FOXP1: variants seen among roughly 807,000 people sequenced by gnomAD.
FOXP1 encodes the protein forkhead box protein P1.
In FOXP1, 15 loss-of-function variants were observed where a neutral mutation model predicts 98.2. The observed-to-expected ratio is 0.15, with a 90% CI of 0.10 to 0.24. The LOEUF (loss-of-function observed/expected upper bound fraction) is 0.24. FOXP1 is among the 10% of genes least tolerant of loss of function. FOXP1 has a pLI of 1.00. For synonymous variants in FOXP1, 371 were observed against 314.5 expected, an observed-to-expected ratio of 1.18 and a Z score of -1.90; for missense variants, 633 against 848.5, an observed-to-expected ratio of 0.75 and a Z score of 3.15.
chr3:71,079,765 G>A (rs1399906338), intron 7 of FOXP1, among the ~76,000 whole-genome samples: 3 of 152,200 alleles, frequency 2.0e-5, no homozygotes, highest in Non-Finnish European at 2.9e-5. Flanking sequence ...TCAGCACCCA[G>A]CACAGTGCCT....
intron 7 of FOXP1, among the ~76,000 whole-genome samples, chr3:71,067,731 T>TACACAC (rs6147878): frequency 0.063 from 7,916 of 126,524 alleles, 446 homozygotes; most frequent in African/African-American, 0.13. Flanking sequence ...TCTCCAAAAA[T>TACACAC]ACACACACAC....
chr3:71,179,798 G>T (rs1470864513), intron 6 of FOXP1, among the ~76,000 whole-genome samples: 1 of 152,204 alleles, frequency 6.6e-6, no homozygotes, highest in African/African-American at 2.4e-5. Context: ...GATTGCAAGC[G>T]ATATAGCTTT....
chr3:71,365,267 T>A (rs1171012423), intron 3 of FOXP1, among the ~76,000 whole-genome samples: 3 of 152,190 alleles, frequency 2.0e-5, no homozygotes, highest in Admixed American at 6.5e-5. Flanking sequence ...GTAAGGGTAG[T>A]TGCCTTAATT....
At chr3:71,430,162 G>A (rs545515298) in intron 3 of FOXP1, among the ~76,000 whole-genome samples, 1 of 152,212 alleles carries the variant, frequency 6.6e-6, no homozygotes, top group East Asian at 1.9e-4. Context: ...GCTCCCTCCT[G>A]ACCATACCCC....
intron 5 of FOXP1, among the ~76,000 whole-genome samples, chr3:71,284,105 A>T (rs2071852409): frequency 6.6e-6 from 1 of 152,238 alleles, no homozygotes; most frequent in Admixed American, 6.5e-5. Context: ...AAACAAAAAA[A>T]TGTTGAAACT....
chr3:71,347,780 A>G (rs2704813), intron 4 of FOXP1, among the ~76,000 whole-genome samples: 143,098 of 151,940 alleles, frequency 0.94, 68,012 homozygotes, highest in East Asian at 1. Flanking sequence ...AGCTACTCGG[A>G]GGGCTGAGGC....
intron 6 of FOXP1, among the ~76,000 whole-genome samples, chr3:71,158,802 G>A (rs2108123468): frequency 6.6e-6 from 1 of 150,660 alleles, no homozygotes; most frequent in Admixed American, 6.6e-5. Flanking sequence ...TGGCTTGAAT[G>A]TGGAAATAAA....
intron 6 of FOXP1, among the ~76,000 whole-genome samples, chr3:71,147,233 G>C (rs980597081): frequency 3.3e-5 from 5 of 152,148 alleles, no homozygotes; most frequent in Admixed American, 2.0e-4. Flanking sequence ...GCAGCCAGAG[G>C]AATCTTTTGA....
At position 71,101,078 on chromosome 3, in the gene FOXP1, G is replaced by A. The variant is rs574114219; in HGVS notation, c.282+11458C>T. On this transcript the variant is annotated intron_variant, in intron 7 of 20. Transcript: ENST00000649528. ...GAAGGGACAGCTCTAGAATAAGGTG[G>A]CAGCAGGGGAAACACAGAAAAAGGA... Among the ~76,000 whole-genome samples, 30 of 152,264 alleles carry A rather than the reference G, an allele frequency of 2.0e-4. 1 individual carries two copies. Among genetic ancestry groups the A allele is most frequent in the South Asian group, 6.2e-4 (3 of 4,822 alleles).
At chr3:71,493,694 A>C (rs139916961) in intron 2 of FOXP1, 139 bp from the exon 3 acceptor site, 1 of 152,230 alleles carries the variant, frequency 6.6e-6, no homozygotes, top group East Asian at 1.9e-4. Flanking sequence ...TCAATACATC[A>C]AGTGTGATGC....
At chr3:71,396,337 C>T (rs977973891) in intron 3 of FOXP1, among the ~76,000 whole-genome samples, 2 of 152,154 alleles carry the variant, frequency 1.3e-5, no homozygotes, top group East Asian at 3.8e-4. Flanking sequence ...GTGCTCAGCC[C>T]TAAGACGTGC....
intron 2 of FOXP1, among the ~76,000 whole-genome samples, chr3:71,539,086 GTTTT>G (rs557856311): frequency 1.3e-5 from 2 of 148,892 alleles, no homozygotes; most frequent in African/African-American, 2.5e-5. Flanking sequence ...TTTGTTTTAG[GTTTT>G]TTTATTTTTT....
Position 71,112,640 on chromosome 3 carries a change from G to C in FOXP1, c.181-3C>G. 1 of 1,612,240 alleles carries C rather than the reference G, an allele frequency of 6.2e-7. No homozygotes were observed. Among genetic ancestry groups the C allele is most frequent in the Non-Finnish European group, 8.5e-7 (1 of 1,178,340 alleles). On this transcript the variant is annotated splice_region_variant and splice_polypyrimidine_tract_variant and intron_variant, in intron 6 of 20. Transcript: ENST00000649528. ...AGCTGTCTTGCCACCTGAAGTGCCT[G>C]GAAGGAAAAACAAGAAAATCCTTTG...
At chr3:71,379,080 C>G (rs2079946852) in intron 3 of FOXP1, among the ~76,000 whole-genome samples, 2 of 152,144 alleles carry the variant, frequency 1.3e-5, no homozygotes, top group Non-Finnish European at 1.5e-5. Flanking sequence ...TCCTTCTTCC[C>G]TCTGCCCTCA....
At chr3:71,432,970 A>G (rs1386168753) in intron 3 of FOXP1, among the ~76,000 whole-genome samples, 2 of 151,496 alleles carry the variant, frequency 1.3e-5, no homozygotes, top group Non-Finnish European at 2.9e-5. Flanking sequence ...AATTTGAATG[A>G]TTCTAATGGT....
At chr3:71,431,208 C>T (rs1456314346) in intron 3 of FOXP1, among the ~76,000 whole-genome samples, 2 of 152,060 alleles carry the variant, frequency 1.3e-5, no homozygotes, top group Non-Finnish European at 2.9e-5. Flanking sequence ...TCACAAATCT[C>T]CAATGGGAGC....
intron 4 of FOXP1, among the ~76,000 whole-genome samples, chr3:71,347,077 T>C (rs1488069980): frequency 1.3e-5 from 2 of 152,166 alleles, no homozygotes; most frequent in Non-Finnish European, 2.9e-5. Flanking sequence ...TTACCTCACA[T>C]ATAAATGTCC....
chr3:71,226,405 A>G (rs1389094874), intron 5 of FOXP1, among the ~76,000 whole-genome samples: 1 of 152,252 alleles, frequency 6.6e-6, no homozygotes, highest in East Asian at 1.9e-4. Flanking sequence ...TACTTGCCTC[A>G]GGCCCAGATG....
At chr3:70,977,103 C>G in intron 16 of FOXP1, 61 bp from the exon 17 acceptor site, 1 of 1,102,792 alleles carries the variant, frequency 9.1e-7, no homozygotes, top group Non-Finnish European at 1.4e-6. Flanking sequence ...CGTCATTCCA[C>G]AGTTTCTCGA....
Sources: gnomAD v4.1 joint callset for allele counts (sites outside exome capture counted in the v4.1 genomes callset) on GRCh38, gnomAD v4.1.1 for gene constraint, MANE v1.5 for transcripts, NCBI Gene and HGNC (gene_info 2026-07-23, HGNC 2026-07-21) for gene names.